Variants in SPATS2L observed in about 807,000 individuals in gnomAD.
SPATS2L encodes SPATS2-like protein.
A neutral mutation model predicts 59.6 loss-of-function variants in SPATS2L; 30 were observed. The observed-to-expected ratio is 0.50, with a 90% CI of 0.38 to 0.68. The LOEUF is 0.68. Ranked by LOEUF, SPATS2L falls within the 30% of genes least tolerant of loss-of-function variation. The pLI is 0.00. For synonymous variants in SPATS2L, 252 were observed against 263.5 expected (o/e 0.96, Z 0.42); for missense variants, 615 against 700.0 (o/e 0.88, Z 1.37).
chr2:200,324,249 C>T (rs150102542), intron 1 of SPATS2L, among the ~76,000 whole-genome samples: 2 of 152,186 alleles, frequency 1.3e-5, no homozygotes, highest in East Asian at 3.9e-4. Context: ...GTGTTTCAGG[C>T]AATTAATGAT....
In SPATS2L at chr2:200,472,936, C is replaced by T; in HGVS notation, c.1165C>T (p.Arg389Ter). 2.5e-6 allele frequency: 4 copies of T among 1,613,916 alleles called. No homozygotes were observed. Among genetic ancestry groups the T allele is most frequent in the Non-Finnish European group, 2.5e-6 (3 of 1,179,886 alleles). ...CTCTGGGAAACAGAGTAACTTTTCC[C>T]GAAAATCATCCACTCACAATAAGCC... Reference protein sequence around the residue: ...ATSGKQSNFSRKSSTHNKPSE... With the variant: ...ATSGKQSNFS Residue 389 changes from arginine (R) to a stop codon, truncating the protein, a stop_gained, in exon 12 of 13, where the codon CGA becomes TGA. Transcript: ENST00000409140. LOFTEE classifies it high-confidence loss of function.
intron 3 of SPATS2L, among the ~76,000 whole-genome samples, chr2:200,396,928 T>C (rs1393448502): frequency 6.6e-6 from 1 of 152,170 alleles, no homozygotes; most frequent in Non-Finnish European, 1.5e-5. Flanking sequence ...ACATTGACAA[T>C]AGTTGTTGCC....
intron 2 of SPATS2L, among the ~76,000 whole-genome samples, chr2:200,378,660 G>A (rs903927153): frequency 1.3e-5 from 2 of 152,176 alleles, no homozygotes; most frequent in Admixed American, 1.3e-4. Context: ...CAATGAACTA[G>A]GATACTGTGA....
intron 6 of SPATS2L, among the ~76,000 whole-genome samples, chr2:200,430,437 G>GA (rs887099955): frequency 1.5e-4 from 22 of 144,742 alleles, no homozygotes; most frequent in East Asian, 1.4e-3. Context: ...AAGGTTTGAG[G>GA]AAAAAAAAAA....
At chr2:200,368,973 A>G (rs181113359) in intron 2 of SPATS2L, among the ~76,000 whole-genome samples, 12 of 152,252 alleles carry the variant, frequency 7.9e-5, no homozygotes, top group Non-Finnish European at 1.5e-4. Flanking sequence ...TATGTTTCCA[A>G]ATTACCAAAG....
chr2:200,439,927 T>A (rs1219901000), intron 7 of SPATS2L, among the ~76,000 whole-genome samples: 1 of 152,222 alleles, frequency 6.6e-6, no homozygotes, highest in Non-Finnish European at 1.5e-5. Flanking sequence ...CCCAGAAGAT[T>A]AAATACTATT....
At chr2:200,369,970 G>A (rs2081377990) in intron 2 of SPATS2L, among the ~76,000 whole-genome samples, 1 of 152,182 alleles carries the variant, frequency 6.6e-6, no homozygotes, top group Non-Finnish European at 1.5e-5. Flanking sequence ...TCACCTGTAA[G>A]GGTAAAACAA....
chr2:200,399,741 G>A lies in SPATS2L; in HGVS notation c.39+10458G>A, dbSNP rs990715245. On this transcript the variant is annotated intron_variant, in intron 3 of 12. Coordinates refer to ENST00000409140, the MANE Select transcript of SPATS2L (RefSeq NM_001100423.2). ...CAAATAAACTCCCCTCAAAGAGAGAGAGTGTGCTTCTAGTTTCCATGGTGT... is the reference window on the plus strand; with the variant it reads ...CAAATAAACTCCCCTCAAAGAGAGAAAGTGTGCTTCTAGTTTCCATGGTGT... 8.5e-5 allele frequency among the ~76,000 whole-genome samples: 13 copies of A among 152,302 alleles called. No individual in the cohort carries two copies. In the South Asian group the frequency reaches 2.7e-3, roughly 32 times the overall value.
chr2:200,388,384 A>C (rs533857012), intron 2 of SPATS2L, among the ~76,000 whole-genome samples: 30 of 152,042 alleles, frequency 2.0e-4, no homozygotes, highest in Non-Finnish European at 3.8e-4. Flanking sequence ...CAGCCTGGGC[A>C]ACAAAGTGAG....
chr2:200,386,519 G>T (rs1245307258), intron 2 of SPATS2L, among the ~76,000 whole-genome samples: 1 of 152,146 alleles, frequency 6.6e-6, no homozygotes, highest in South Asian at 2.1e-4. Flanking sequence ...CACGTCTTCA[G>T]ATCTCATAAA....
At chr2:200,433,236 T>C (rs1235360551) in intron 6 of SPATS2L, among the ~76,000 whole-genome samples, 1 of 152,136 alleles carries the variant, frequency 6.6e-6, no homozygotes, top group Non-Finnish European at 1.5e-5. Flanking sequence ...GCAGTGTAGA[T>C]CTTAATATCA....
chr2:200,319,836 CAT>C (rs1420043659), intron 1 of SPATS2L, among the ~76,000 whole-genome samples: 2 of 152,168 alleles, frequency 1.3e-5, no homozygotes, highest in African/African-American at 2.4e-5. Flanking sequence ...AGCAGTGAAT[CAT>C]GTGTGCCTAC....
At chr2:200,336,241 TG>T (rs2080139003) in intron 2 of SPATS2L, among the ~76,000 whole-genome samples, 1 of 152,242 alleles carries the variant, frequency 6.6e-6, no homozygotes, top group South Asian at 2.1e-4. Context: ...TTATGATACC[TG>T]GAAAACTAAG....
chr2:200,462,804 T>G (rs1350516046), intron 9 of SPATS2L, among the ~76,000 whole-genome samples: 1 of 152,110 alleles, frequency 6.6e-6, no homozygotes, highest in Non-Finnish European at 1.5e-5. Flanking sequence ...CATGTGCCCA[T>G]AGTTCTAGCT....
At chr2:200,376,274 A>G (rs1053013878) in intron 2 of SPATS2L, among the ~76,000 whole-genome samples, 15 of 152,208 alleles carry the variant, frequency 9.9e-5, no homozygotes, top group African/African-American at 3.6e-4. Flanking sequence ...TCAGGTGACA[A>G]ATTTCTATTT....
intron 2 of SPATS2L, among the ~76,000 whole-genome samples, chr2:200,355,574 C>T (rs530285008): frequency 6.6e-6 from 1 of 152,324 alleles, no homozygotes; most frequent in South Asian, 2.1e-4. Context: ...TTGTTCTTCA[C>T]AGCTGCTTTA....
chr2:200,433,107 A>C (rs1412562103), intron 6 of SPATS2L, among the ~76,000 whole-genome samples: 2 of 152,166 alleles, frequency 1.3e-5, no homozygotes, highest in African/African-American at 4.8e-5. Flanking sequence ...TTTCATAGTA[A>C]TATGTTGTTT....
chr2:200,335,475 G>T (rs1171623722), intron 2 of SPATS2L, among the ~76,000 whole-genome samples: 1 of 152,144 alleles, frequency 6.6e-6, no homozygotes, highest in Non-Finnish European at 1.5e-5. Flanking sequence ...TGGCAATATT[G>T]TGTGCTTTGA....
At chr2:200,432,920 G>A (rs965437422) in intron 6 of SPATS2L, among the ~76,000 whole-genome samples, 2 of 152,090 alleles carry the variant, frequency 1.3e-5, no homozygotes, top group African/African-American at 4.8e-5. Flanking sequence ...ATAAAACAAA[G>A]CCAGAGCCTC....
Sources: gnomAD v4.1 joint callset for allele counts (sites outside exome capture counted in the v4.1 genomes callset) on GRCh38, gnomAD v4.1.1 for gene constraint, MANE v1.5 for transcripts, NCBI Gene and HGNC (gene_info 2026-07-23, HGNC 2026-07-21) for gene names.